Variants in FBXO42 observed in about 807,000 individuals in gnomAD.
The protein encoded by FBXO42 is F-box only protein 42.
A neutral mutation model predicts 71.7 loss-of-function variants in FBXO42; 12 were observed. The ratio of observed to expected loss-of-function variants is 0.17; its 90% CI spans 0.11 to 0.27. FBXO42 has a LOEUF of 0.27. Ranked by LOEUF, FBXO42 falls within the 10% of genes least tolerant of loss-of-function variation. The pLI is 1.00. For missense variants in FBXO42, 707 were observed against 911.9 expected, an observed-to-expected ratio of 0.78 and a Z score of 2.89; for synonymous variants, 325 against 327.5, an observed-to-expected ratio of 0.99 and a Z score of 0.08.
intron 1 of FBXO42, among the ~76,000 whole-genome samples, chr1:16,321,174 C>T (rs1187585881): frequency 1.3e-5 from 2 of 152,116 alleles, no homozygotes; most frequent in East Asian, 3.9e-4. Context: ...ACTGTTACAC[C>T]CTCCACAAAA....
intron 1 of FBXO42, among the ~76,000 whole-genome samples, chr1:16,328,919 C>A (rs917030502): frequency 1.3e-5 from 2 of 152,032 alleles, no homozygotes; most frequent in Admixed American, 1.3e-4. Context: ...AATCCCAGCA[C>A]TTTGGGAGGC....
chr1:16,254,473 G>A (rs551105501), intron 6 of FBXO42, among the ~76,000 whole-genome samples: 1 of 152,198 alleles, frequency 6.6e-6, no homozygotes, highest in African/African-American at 2.4e-5. Flanking sequence ...AACCCTCAAG[G>A]GACCAACATG....
At chr1:16,290,980 T>A (rs761719192) in intron 4 of FBXO42, among the ~76,000 whole-genome samples, 1 of 152,148 alleles carries the variant, frequency 6.6e-6, no homozygotes. Context: ...TAAAAAGACA[T>A]CTGATGCAGC....
chr1:16,335,501 C>T (rs917174530), intron 1 of FBXO42, among the ~76,000 whole-genome samples: 1 of 152,114 alleles, frequency 6.6e-6, no homozygotes, highest in African/African-American at 2.4e-5. Flanking sequence ...CCACTTCCTT[C>T]CTTCTTCCTT....
chr1:16,312,798 CTT>C (rs34574831), intron 2 of FBXO42, among the ~76,000 whole-genome samples: 59 of 142,144 alleles, frequency 4.2e-4, no homozygotes, highest in Non-Finnish European at 5.1e-4. Flanking sequence ...TTTTGTTTTG[CTT>C]TTTTTTTTTT....
At chr1:16,327,700 A>G (rs1204566678) in intron 1 of FBXO42, among the ~76,000 whole-genome samples, 1 of 152,074 alleles carries the variant, frequency 6.6e-6, no homozygotes, top group East Asian at 1.9e-4. Flanking sequence ...TTAAGATGGG[A>G]AAGTTTTTGT....
chr1:16,341,931 A>G (rs2082608790), intron 1 of FBXO42, among the ~76,000 whole-genome samples: 1 of 146,794 alleles, frequency 6.8e-6, no homozygotes, highest in Non-Finnish European at 1.5e-5. Context: ...AGATCGCGTC[A>G]TTGTACTCAA....
intron 4 of FBXO42, among the ~76,000 whole-genome samples, chr1:16,279,726 A>G (rs1317527626): frequency 6.6e-6 from 1 of 152,244 alleles, no homozygotes; most frequent in Non-Finnish European, 1.5e-5. Context: ...GCAATAGACT[A>G]TAAAAAAGAA....
intron 1 of FBXO42, among the ~76,000 whole-genome samples, chr1:16,317,601 GCAAACAAA>G (rs35197526): frequency 2.1e-4 from 31 of 150,862 alleles, no homozygotes; most frequent in African/African-American, 6.6e-4. Context: ...TCTCAAACAA[GCAAACAAA>G]CAAACAAACA....
intron 1 of FBXO42, among the ~76,000 whole-genome samples, chr1:16,318,107 C>A (rs1390477047): frequency 6.6e-6 from 1 of 152,058 alleles, no homozygotes; most frequent in Non-Finnish European, 1.5e-5. Context: ...GCTGAATACT[C>A]ACGCACTTCT....
chr1:16,325,877 C>G (rs750793659), intron 1 of FBXO42, among the ~76,000 whole-genome samples: 1 of 152,150 alleles, frequency 6.6e-6, no homozygotes, highest in East Asian at 1.9e-4. Context: ...CTGCCCACCT[C>G]GGTCTCCTAG....
chr1:16,350,603 C>T (rs1235157221), intron 1 of FBXO42, among the ~76,000 whole-genome samples: 6 of 140,972 alleles, frequency 4.3e-5, no homozygotes, highest in East Asian at 2.0e-4. Context: ...AAAAAATTAG[C>T]GGGCGTGGTG....
chr1:16,258,650 C>G (rs1018481321), intron 4 of FBXO42, among the ~76,000 whole-genome samples: 2 of 152,252 alleles, frequency 1.3e-5, no homozygotes, highest in Middle Eastern at 3.4e-3. Flanking sequence ...AGCCACTGTG[C>G]CTGTCCGTGT....
intron 1 of FBXO42, among the ~76,000 whole-genome samples, chr1:16,333,378 T>G (rs2082520498): frequency 6.6e-6 from 1 of 150,876 alleles, no homozygotes. Context: ...CTCAGGAGAC[T>G]GCCACCAGAG....
intron 4 of FBXO42, among the ~76,000 whole-genome samples, chr1:16,275,757 C>A (rs923645631): frequency 6.6e-6 from 1 of 152,088 alleles, no homozygotes; most frequent in African/African-American, 2.4e-5. Context: ...GCCTGTAATC[C>A]CAGCGCTTTA....
chr1:16,296,660 A>C lies in FBXO42; in HGVS notation c.368-1743T>G, dbSNP rs1408196955. Among the ~76,000 whole-genome samples the C allele has an allele frequency of 3.3e-5, 5 of 151,712 alleles. No homozygotes were observed. In the East Asian group the frequency reaches 7.7e-4, roughly 23 times the overall value. On this transcript the variant is annotated intron_variant, in intron 3 of 9. Coordinates refer to ENST00000375592, the MANE Select transcript of FBXO42 (RefSeq NM_018994.3). ...GCAAGACTCCATCTCAAAAAAAAAA[A>C]AAAAAAAACAAAAACAAAAAACACC...
Position 16,256,615 on chromosome 1 carries a change from G to A in FBXO42, c.647C>T (p.Ser216Phe). 1.2e-6 allele frequency: 2 copies of A among 1,613,742 alleles called. No homozygotes were observed. Among genetic ancestry groups the A allele is most frequent in the Non-Finnish European group, 1.7e-6 (2 of 1,179,804 alleles). The stretch of plus-strand genomic sequence containing the variant: ...TATCTTTGTGACTTACCAATTTTTA[G>A]AGGGTGAGTAAGTGTGTATTTCATC... ...FFDEIHTYSP[S>F]KNWWNCIVTT... Residue 216 changes from serine (S) to phenylalanine (F), a missense_variant, in exon 5 of 10, where the codon TCT becomes TTT. This residue lies in a region of FBXO42 where 10 missense variants were observed against 40.2 expected (regional missense o/e 0.25). Transcript: ENST00000375592.
At chr1:16,276,954 C>T (rs2081910899) in intron 4 of FBXO42, among the ~76,000 whole-genome samples, 1 of 152,174 alleles carries the variant, frequency 6.6e-6, no homozygotes, top group South Asian at 2.1e-4. Flanking sequence ...ATAGAAAAGT[C>T]TCATGAGTTT....
At chr1:16,279,824 A>C (rs1446716008) in intron 4 of FBXO42, among the ~76,000 whole-genome samples, 2 of 151,212 alleles carry the variant, frequency 1.3e-5, no homozygotes, top group East Asian at 3.9e-4. Context: ...AGAAACAGTG[A>C]AAAATCATGT....
Sources: allele counts gnomAD v4.1 joint callset (sites outside exome capture counted in the v4.1 genomes callset), GRCh38; gene constraint gnomAD v4.1.1; regional missense constraint gnomAD v4.1.1; transcripts MANE v1.5; gene names NCBI Gene and HGNC (gene_info 2026-07-23, HGNC 2026-07-21).